Variants in NFATC2 observed in about 807,000 individuals in gnomAD.
NFATC2 encodes nuclear factor of activated T cells 2, also known as nuclear factor of activated T-cells, cytoplasmic 2.
A neutral mutation model predicts 87.3 loss-of-function variants in NFATC2; 22 were observed. The ratio of observed to expected loss-of-function variants is 0.25; its 90% CI spans 0.18 to 0.36. NFATC2 has a LOEUF of 0.36. Among genes scored for constraint, NFATC2 ranks in the 10% least tolerant of loss-of-function variants. NFATC2 has a pLI of 1.00. For missense variants in NFATC2, 1,149 were observed against 1,259.1 expected (o/e 0.91, Z 1.32); for synonymous variants, 565 against 542.2 (o/e 1.04, Z -0.58).
At chr20:51,392,618 G>A (rs1333918901) in intron 10 of NFATC2, among the ~76,000 whole-genome samples, 1 of 152,204 alleles carries the variant, frequency 6.6e-6, no homozygotes, top group Non-Finnish European at 1.5e-5. Context: ...TGGAAGGCAT[G>A]AGGCTGTAGA....
chr20:51,470,721 G>A (rs1988128906), intron 5 of NFATC2, among the ~76,000 whole-genome samples: 2 of 152,188 alleles, frequency 1.3e-5, no homozygotes, highest in African/African-American at 4.8e-5. Context: ...GCCAGCGCGT[G>A]TTACGGACTA....
chr20:51,555,481 T>C (rs6126252), intron 1 of NFATC2, among the ~76,000 whole-genome samples: 38,231 of 151,732 alleles, frequency 0.25, 6,004 homozygotes, highest in South Asian at 0.48. Flanking sequence ...TAGTCCCAGC[T>C]ACTTGGGAGG....
At chr20:51,458,663 T>C (rs1400728433) in intron 5 of NFATC2, among the ~76,000 whole-genome samples, 1 of 148,892 alleles carries the variant, frequency 6.7e-6, no homozygotes. Flanking sequence ...AAAAAGAAAT[T>C]ATCTGGGCGT....
At chr20:51,442,108 C>G (rs532217391) in intron 6 of NFATC2, among the ~76,000 whole-genome samples, 1 of 152,270 alleles carries the variant, frequency 6.6e-6, no homozygotes, top group South Asian at 2.1e-4. Context: ...TTTGTGTTTT[C>G]TAACCTGAAA....
intron 3 of NFATC2, among the ~76,000 whole-genome samples, chr20:51,515,807 G>C (rs1218087721): frequency 1.3e-5 from 2 of 151,820 alleles, no homozygotes; most frequent in Non-Finnish European, 2.9e-5. Flanking sequence ...TTTTTCATTT[G>C]TTTGTTTGTT....
At chr20:51,438,680 G>A (rs1375129970) in intron 6 of NFATC2, among the ~76,000 whole-genome samples, 1 of 152,132 alleles carries the variant, frequency 6.6e-6, no homozygotes, top group Non-Finnish European at 1.5e-5. Context: ...CCGGGTCAAG[G>A]GACGCAACAC....
At chr20:51,561,696 C>T (rs1184642762) in intron 1 of NFATC2, among the ~76,000 whole-genome samples, 1 of 151,750 alleles carries the variant, frequency 6.6e-6, no homozygotes, top group African/African-American at 2.4e-5. Flanking sequence ...CTCTCGAAGC[C>T]CCTCCCACTT....
chr20:51,505,362 AAAAATAAAGT>A (rs2076161356), intron 3 of NFATC2, among the ~76,000 whole-genome samples: 1 of 151,946 alleles, frequency 6.6e-6, no homozygotes, highest in Non-Finnish European at 1.5e-5. Context: ...TTAAAGAGCT[AAAAATAAAGT>A]AAAATAATTG....
At position 51,533,054 on chromosome 20, in the gene NFATC2, C is replaced by T. The variant is rs1402136751; in HGVS notation, c.131-8944G>A. Among the ~76,000 whole-genome samples, 4 of 152,232 alleles carry T rather than the reference C, an allele frequency of 2.6e-5. No homozygotes were observed. The East Asian group carries it at 7.7e-4, about 29-fold the overall frequency. ...CCCAGGGCCTGGGTTTGGGACATGA[C>T]AGTCTGTCGCCAAGGCAGCACTTAG... On this transcript the variant is annotated intron_variant, in intron 1 of 10. Transcript: ENST00000371564.
chr20:51,505,493 T>C (rs1188995364), intron 3 of NFATC2, among the ~76,000 whole-genome samples: 1 of 152,002 alleles, frequency 6.6e-6, no homozygotes, highest in African/African-American at 2.4e-5. Flanking sequence ...ATAATTTATA[T>C]GTGTATTTGT....
intron 9 of NFATC2, among the ~76,000 whole-genome samples, chr20:51,414,409 C>A (rs1242510894): frequency 6.6e-6 from 1 of 152,164 alleles, no homozygotes; most frequent in East Asian, 1.9e-4. Context: ...CAGCAGAGAG[C>A]CAGGCATGGT....
At chr20:51,451,172 C>T (rs1985723873) in intron 6 of NFATC2, among the ~76,000 whole-genome samples, 1 of 152,220 alleles carries the variant, frequency 6.6e-6, no homozygotes, top group African/African-American at 2.4e-5. Context: ...CAGGCCTTCT[C>T]CCTGCACCCC....
At chr20:51,542,900 G>A (rs1219755291), upstream of NFATC2, among the ~76,000 whole-genome samples, 1 of 151,988 alleles carries the variant, frequency 6.6e-6, no homozygotes, top group African/African-American at 2.4e-5. Flanking sequence ...ACACTGTCCC[G>A]GGCCACCGCT....
intron 9 of NFATC2, among the ~76,000 whole-genome samples, chr20:51,425,276 G>A (rs953371949): frequency 4.6e-5 from 7 of 152,220 alleles, no homozygotes; most frequent in Admixed American, 3.9e-4. Context: ...AAAAAAGGAC[G>A]CTGGCAAAAG....
intron 8 of NFATC2, among the ~76,000 whole-genome samples, chr20:51,434,083 C>T (rs980940043): frequency 1.3e-5 from 2 of 152,200 alleles, no homozygotes; most frequent in African/African-American, 4.8e-5. Context: ...AGTTTTGGGT[C>T]CTGGTGACCT....
At chr20:51,421,642 TA>T (rs1980940451) in intron 9 of NFATC2, among the ~76,000 whole-genome samples, 1 of 152,214 alleles carries the variant, frequency 6.6e-6, no homozygotes, top group Non-Finnish European at 1.5e-5. Context: ...TGACTCCCAG[TA>T]GCTGCCATGC....
At chr20:51,430,996 G>T (rs1369316134) in intron 9 of NFATC2, among the ~76,000 whole-genome samples, 3 of 152,012 alleles carry the variant, frequency 2.0e-5, no homozygotes, top group Non-Finnish European at 4.4e-5. Flanking sequence ...AACTCCAGTC[G>T]CTTAACTGTA....
At chr20:51,522,271 T>A (rs1275517496) in intron 2 of NFATC2, among the ~76,000 whole-genome samples, 1 of 109,032 alleles carries the variant, frequency 9.2e-6, no homozygotes, top group African/African-American at 3.6e-5. Flanking sequence ...AGGTGCTCAG[T>A]ACAAAAGCGG....
intron 3 of NFATC2, among the ~76,000 whole-genome samples, chr20:51,498,519 C>T (rs947332952): frequency 6.6e-6 from 1 of 152,144 alleles, no homozygotes; most frequent in Non-Finnish European, 1.5e-5. Context: ...AAACAGAGGC[C>T]AGGCATGGTG....
Sources: gnomAD v4.1 joint callset for allele counts (sites outside exome capture counted in the v4.1 genomes callset) on GRCh38, gnomAD v4.1.1 for gene constraint, MANE v1.5 for transcripts, NCBI Gene and HGNC (gene_info 2026-07-23, HGNC 2026-07-21) for gene names.